SPOPL: variants seen among roughly 807,000 people sequenced by gnomAD.
The protein encoded by SPOPL is speckle type BTB/POZ protein like.
A neutral mutation model predicts 53.8 loss-of-function variants in SPOPL; 23 were observed. The ratio of observed to expected loss-of-function variants is 0.43; its 90% CI spans 0.31 to 0.61. The LOEUF is 0.61. Among genes scored for constraint, SPOPL ranks in the 20% least tolerant of loss-of-function variants. The probability of loss-of-function intolerance (pLI) is 0.12; values close to 1 mark genes in which losing one functional copy is unlikely to be tolerated. For synonymous variants in SPOPL, 164 were observed against 149.7 expected (o/e 1.10, Z -0.70); for missense variants, 442 against 466.9 (o/e 0.95, Z 0.49).
At position 138,559,210 on chromosome 2, in the gene SPOPL, G is replaced by C. The variant is rs116624307; in HGVS notation, c.658+11G>C. 3,239 of 1,612,528 alleles carry C rather than the reference G, an allele frequency of 2.0e-3. 60 individuals carry two copies. In the African/African-American group the frequency reaches 0.037, roughly 19 times the overall value. Reference sequence around the variant, plus strand: ...AATCTGTGCTTGCAGGTACTTTCTAGTTATGGGGTAATATAGTACATTTAA... The same window carrying C: ...AATCTGTGCTTGCAGGTACTTTCTACTTATGGGGTAATATAGTACATTTAA... On this transcript the variant is annotated intron_variant, in intron 6 of 10. Transcript: ENST00000280098.
chr2:138,559,149 G>GT lies in SPOPL; in HGVS notation c.614dup (p.Val206ArgfsTer7). On this transcript the variant is annotated frameshift_variant, in exon 6 of 11. Coordinates refer to ENST00000280098, the MANE Select transcript of SPOPL (RefSeq NM_001001664.3). LOFTEE classifies it high-confidence loss of function. ...GAAAACACAAGATTTACAGACTGCAGTTTTTTCGTGAGAGGACAAGAATTT... is the reference window on the plus strand; with the variant it reads ...GAAAACACAAGATTTACAGACTGCAGTTTTTTTCGTGAGAGGACAAGAATTT... 1 of 1,613,748 alleles carries GT rather than the reference G, an allele frequency of 6.2e-7. No individual in the cohort carries two copies.
chr2:138,558,063 A>C (rs934235334), intron 5 of SPOPL, among the ~76,000 whole-genome samples: 6 of 152,150 alleles, frequency 3.9e-5, no homozygotes, highest in African/African-American at 1.4e-4. Flanking sequence ...AGGAGGTCTG[A>C]GACAGGAGAA....
intron 10 of SPOPL, among the ~76,000 whole-genome samples, chr2:138,566,725 A>G (rs935266443): frequency 3.3e-5 from 5 of 152,224 alleles, no homozygotes; most frequent in African/African-American, 1.2e-4. Flanking sequence ...GTACAATGCT[A>G]GGGTGCTGCA....
chr2:138,541,190 T>C (rs1183766895), intron 1 of SPOPL, among the ~76,000 whole-genome samples: 2 of 152,176 alleles, frequency 1.3e-5, no homozygotes, highest in Non-Finnish European at 2.9e-5. Context: ...TCAGGGATAG[T>C]GGTCTAAAAT....
At chr2:138,551,614 C>T (rs546355516) in intron 4 of SPOPL, among the ~76,000 whole-genome samples, 2 of 151,978 alleles carry the variant, frequency 1.3e-5, no homozygotes, top group East Asian at 1.9e-4. Context: ...AGGAAATGTA[C>T]GTTGTGTGTG....
chr2:138,529,537 T>C lies in SPOPL; in HGVS notation c.-60-20620T>C, dbSNP rs867224346. On this transcript the variant is annotated intron_variant, in intron 1 of 10. Coordinates refer to ENST00000280098, the MANE Select transcript of SPOPL (RefSeq NM_001001664.3). The stretch of plus-strand genomic sequence containing the variant: ...GTGTGTGTGTGTGTGTGTGTGTGTT[T>C]GCGTGCGCGCGCGCTTCTGCATTCT... 4.3e-3 allele frequency among the ~76,000 whole-genome samples: 429 copies of C among 100,070 alleles called. 5 individuals are homozygous for C. The highest frequency in any genetic ancestry group is 0.014 in the African/African-American group (383 of 27,946). The allele number at this position is 100,070 out of a possible 152,430, so 65.6% of individuals were successfully genotyped here. A position where few individuals can be genotyped will look rare whatever the true frequency, so the allele number is the denominator to read the frequency against.
intron 1 of SPOPL, among the ~76,000 whole-genome samples, chr2:138,508,046 A>G (rs1232496040): frequency 6.6e-6 from 1 of 152,310 alleles, no homozygotes; most frequent in East Asian, 1.9e-4. Flanking sequence ...ATGTAGTACT[A>G]AACCTTGGGT....
rs566535628 is a variant in SPOPL at position 138,558,967 on chromosome 2, T to A, written c.481-55T>A. 5.7e-5 allele frequency: 82 copies of A among 1,450,852 alleles called. No homozygotes were observed. The South Asian group carries it at 1.2e-3, about 21-fold the overall frequency. The allele number at this position is 1,450,852 out of a possible 1,614,324, so 89.9% of individuals were successfully genotyped here. A position where few individuals can be genotyped will look rare whatever the true frequency, so the allele number is the denominator to read the frequency against. ...AAAAAATTGAAGTATGGACTTAAAC[T>A]AATTACTGATATTACTTTGTGAAAG... On this transcript the variant is annotated intron_variant, in intron 5 of 10. Coordinates refer to ENST00000280098, the MANE Select transcript of SPOPL (RefSeq NM_001001664.3).
intron 1 of SPOPL, among the ~76,000 whole-genome samples, chr2:138,514,287 C>G (rs1684392876): frequency 6.6e-6 from 1 of 152,002 alleles, no homozygotes; most frequent in Admixed American, 6.6e-5. Context: ...TTGGTTTGGC[C>G]CAGAAAGGCA....
chr2:138,514,123 T>C (rs1476860849), intron 1 of SPOPL, among the ~76,000 whole-genome samples: 2 of 152,154 alleles, frequency 1.3e-5, no homozygotes, highest in African/African-American at 4.8e-5. Context: ...TCTCAGTTAA[T>C]TTAGGAAGTT....
rs1329471587 is a variant in SPOPL, at chr2:138,569,838, T to C, written c.*758T>C. 1 of 152,612 alleles carries C rather than the reference T, an allele frequency of 6.6e-6. No homozygotes were observed. The highest frequency in any genetic ancestry group is 1.5e-5 in the Non-Finnish European group (1 of 68,022). 9.5% of individuals were successfully genotyped at this position (152,612 alleles called of 1,614,324 possible). ...TTTAATTTATACTGACCTACATTTATACGAAGAATTCTGTACATGTTAAAA... is the reference window on the plus strand; with the variant it reads ...TTTAATTTATACTGACCTACATTTACACGAAGAATTCTGTACATGTTAAAA... On this transcript the variant is annotated 3_prime_UTR_variant, in exon 11 of 11. Coordinates refer to ENST00000280098, the MANE Select transcript of SPOPL (RefSeq NM_001001664.3).
At chr2:138,547,715 A>G (rs1685227743) in intron 1 of SPOPL, among the ~76,000 whole-genome samples, 1 of 152,188 alleles carries the variant, frequency 6.6e-6, no homozygotes, top group Admixed American at 6.5e-5. Flanking sequence ...TCAGCCAGAG[A>G]TAACCTTTTA....
At chr2:138,534,676 T>C (rs1026768510) in intron 1 of SPOPL, among the ~76,000 whole-genome samples, 3 of 152,194 alleles carry the variant, frequency 2.0e-5, no homozygotes, top group African/African-American at 7.2e-5. Flanking sequence ...GCTTAGTACA[T>C]TGACAGTGTT....
chr2:138,567,011 T>C (rs912472064), intron 10 of SPOPL, among the ~76,000 whole-genome samples: 1 of 152,164 alleles, frequency 6.6e-6, no homozygotes, highest in Non-Finnish European at 1.5e-5. Context: ...AAAGTAGTAG[T>C]TGATCATTCA....
chr2:138,542,755 T>C (rs1558872998), intron 1 of SPOPL, among the ~76,000 whole-genome samples: 1 of 152,220 alleles, frequency 6.6e-6, no homozygotes, highest in Non-Finnish European at 1.5e-5. Flanking sequence ...AATGTTGTTA[T>C]GTGTGAATTT....
At chr2:138,525,663 A>AAAAAAAGAAAAAAAAAAAAAAAAC (rs113232337) in intron 1 of SPOPL, among the ~76,000 whole-genome samples, 1 of 130,482 alleles carries the variant, frequency 7.7e-6, no homozygotes. Context: ...GTAGAAAAAA[A>AAAAAAAGAAAAAAAAAAAAAAAAC]AAAAAAAAAA....
chr2:138,561,582 C>T (rs536547196), intron 8 of SPOPL, among the ~76,000 whole-genome samples: 1 of 152,152 alleles, frequency 6.6e-6, no homozygotes, highest in East Asian at 1.9e-4. Context: ...AAAAATGTTA[C>T]CATTGGGGAA....
intron 5 of SPOPL, among the ~76,000 whole-genome samples, chr2:138,558,674 A>T (rs1007513615): frequency 6.6e-6 from 1 of 151,968 alleles, no homozygotes; most frequent in Admixed American, 6.6e-5. Flanking sequence ...AATAAAAAAA[A>T]TTTTTTTCTC....
chr2:138,550,934 G>A lies in SPOPL; in HGVS notation c.232G>A (p.Asp78Asn). The change falls in exon 4 of 11, where the codon GAT becomes AAT. Residue 78 changes from aspartate to asparagine, a missense_variant. Asp to Asn is a conservative substitution (Grantham distance 23). Transcript: ENST00000280098. ...CLRVNPKGLD[D>N]ESKDYLSLYL... ...GAGGGTAAACCCAAAGGGATTAGAT[G>A]ATGAAAGTAAAGACTACTTGTCCTT... The A allele has an allele frequency of 1.2e-6, 2 of 1,612,972 alleles. No individual in the cohort carries two copies.
Sources: allele counts gnomAD v4.1 joint callset (sites outside exome capture counted in the v4.1 genomes callset), GRCh38; gene constraint gnomAD v4.1.1; transcripts MANE v1.5; gene names NCBI Gene and HGNC (gene_info 2026-07-23, HGNC 2026-07-21).